Variants in SMYD3 observed in about 807,000 individuals in gnomAD.
The protein encoded by SMYD3 is SET and MYND domain containing 3, also known as histone-lysine N-methyltransferase SMYD3.
SMYD3 carries 36 observed loss-of-function variants against 57.7 expected under a neutral mutation model. The ratio of observed to expected loss-of-function variants is 0.62; its 90% confidence interval spans 0.48 to 0.82. The LOEUF (loss-of-function observed/expected upper bound fraction) is 0.82. SMYD3 is among the 40% of genes least tolerant of loss of function. The probability of loss-of-function intolerance (pLI) is 0.00; values close to 1 mark genes in which losing one functional copy is unlikely to be tolerated. For missense variants in SMYD3, 515 were observed against 538.8 expected (o/e 0.96, Z 0.44); for synonymous variants, 211 against 195.0 (o/e 1.08, Z -0.68).
In SMYD3 at chr1:246,355,282, T is replaced by C. The variant is rs1361852164; in HGVS notation, c.165-188A>G. On this transcript the variant is annotated intron_variant, in intron 1 of 11. Transcript: ENST00000490107. This position sits in a 1 kb window ranked among gnomAD's most constrained non-coding sequence, Gnocchi z 5.0. The stretch of plus-strand genomic sequence containing the variant: ...TTGAACCTTCCATGTGAGACACTGA[T>C]AGAAAAACTAAGTCCTTTTGTCTGA... 4 of 568,824 alleles carry C rather than the reference T, an allele frequency of 7.0e-6. No individual in the cohort carries two copies. Among genetic ancestry groups the C allele is most frequent in the Non-Finnish European group, 1.2e-5 (4 of 321,234 alleles). The allele number at this position is 568,824 out of a possible 1,614,324, so 35.2% of individuals were successfully genotyped here.
chr1:246,454,940 A>C (rs1326251604), intron 1 of SMYD3, among the ~76,000 whole-genome samples: 1 of 152,202 alleles, frequency 6.6e-6, no homozygotes, highest in Non-Finnish European at 1.5e-5. Context: ...TATTGGGTTA[A>C]ATCAATGTCC....
chr1:246,213,068 T>C (rs930509863), intron 5 of SMYD3, among the ~76,000 whole-genome samples: 1 of 152,124 alleles, frequency 6.6e-6, no homozygotes, highest in African/African-American at 2.4e-5. Flanking sequence ...TACCATCAGA[T>C]AAACTAAAGA....
intron 10 of SMYD3, among the ~76,000 whole-genome samples, chr1:245,777,125 C>A (rs1231394789): frequency 6.6e-6 from 1 of 152,158 alleles, no homozygotes; most frequent in Non-Finnish European, 1.5e-5. Context: ...GGAGGTGGGG[C>A]TGCCTAGTTG....
chr1:245,809,545 A>G (rs901852992), intron 10 of SMYD3, among the ~76,000 whole-genome samples: 1 of 152,228 alleles, frequency 6.6e-6, no homozygotes, highest in African/African-American at 2.4e-5. Flanking sequence ...TTTGTGTGGC[A>G]GCTGGTCATA....
chr1:245,840,940 T>C (rs2885647), intron 10 of SMYD3, among the ~76,000 whole-genome samples: 66,237 of 152,112 alleles, frequency 0.44, 16,340 homozygotes, highest in East Asian at 0.87. Flanking sequence ...GGCTTGGCAT[T>C]TGGGTAGCTG....
At chr1:246,076,765 ACAAT>A (rs1387622903) in intron 5 of SMYD3, among the ~76,000 whole-genome samples, 7 of 152,150 alleles carry the variant, frequency 4.6e-5, no homozygotes, top group Admixed American at 2.6e-4. Flanking sequence ...GCTTTGCTTC[ACAAT>A]CAGTCAGTAT....
chr1:246,477,126 A>T (rs2103054886), intron 1 of SMYD3, among the ~76,000 whole-genome samples: 2 of 152,330 alleles, frequency 1.3e-5, no homozygotes, highest in South Asian at 4.1e-4. Context: ...ATTCCTATTA[A>T]ACTTAAACCT....
At position 246,040,090 on chromosome 1, in the gene SMYD3, T is replaced by C. The variant is rs555382471; in HGVS notation, c.532-110153A>G. Among the ~76,000 whole-genome samples the C allele has an allele frequency of 3.3e-5, 5 of 152,348 alleles. No homozygotes were observed. The South Asian group carries it at 1.0e-3, about 32-fold the overall frequency. On this transcript the variant is annotated intron_variant, in intron 5 of 11. Transcript: ENST00000490107. ...TTAAACTGTATTTATTCAGTCAACC[T>C]TACAAGATCCTATCATGAAACAGAA...
intron 1 of SMYD3, among the ~76,000 whole-genome samples, chr1:246,459,581 T>C (rs1286383580): frequency 6.6e-6 from 1 of 152,204 alleles, no homozygotes; most frequent in Admixed American, 6.5e-5. Context: ...CGCTTCCAGT[T>C]TCCTGAGACC....
intron 5 of SMYD3, among the ~76,000 whole-genome samples, chr1:246,049,601 G>A (rs562472133): frequency 3.3e-5 from 5 of 152,062 alleles, no homozygotes; most frequent in South Asian, 2.1e-4. Flanking sequence ...CACCGCGTCC[G>A]GCCCATACTA....
chr1:246,265,571 T>C (rs1051756553), intron 5 of SMYD3, among the ~76,000 whole-genome samples: 1 of 151,816 alleles, frequency 6.6e-6, no homozygotes, highest in Non-Finnish European at 1.5e-5. Context: ...AAAAAGCACA[T>C]CTTTCAGGGA....
intron 4 of SMYD3, among the ~76,000 whole-genome samples, chr1:246,328,911 A>G (rs538158301): frequency 9.5e-4 from 144 of 151,702 alleles, no homozygotes; most frequent in African/African-American, 3.4e-3. Flanking sequence ...TCATTGTTCA[A>G]TTCCCACCTA....
At chr1:246,090,201 A>G (rs1264634859) in intron 5 of SMYD3, among the ~76,000 whole-genome samples, 2 of 152,230 alleles carry the variant, frequency 1.3e-5, no homozygotes. Context: ...ATACAGAAAA[A>G]TTCTACAAAG....
At chr1:245,988,729 T>C (rs561396030) in intron 5 of SMYD3, among the ~76,000 whole-genome samples, 53 of 152,192 alleles carry the variant, frequency 3.5e-4, no homozygotes, top group Non-Finnish European at 5.6e-4. Context: ...CCCAGGCCAA[T>C]CAGCAGATGG....
intron 5 of SMYD3, among the ~76,000 whole-genome samples, chr1:246,144,362 G>A (rs1278177908): frequency 6.6e-6 from 1 of 152,134 alleles, no homozygotes; most frequent in Non-Finnish European, 1.5e-5. Flanking sequence ...AATAATGTCA[G>A]TACAACTGAT....
chr1:246,017,363 T>C (rs532992672), intron 5 of SMYD3, among the ~76,000 whole-genome samples: 3 of 152,282 alleles, frequency 2.0e-5, no homozygotes, highest in African/African-American at 7.2e-5. Flanking sequence ...ATTACTACCA[T>C]CCAATCCTAG....
At chr1:246,441,216 G>A (rs1039875922) in intron 1 of SMYD3, among the ~76,000 whole-genome samples, 8 of 152,114 alleles carry the variant, frequency 5.3e-5, no homozygotes, top group African/African-American at 1.9e-4. Flanking sequence ...TAAAATTCAC[G>A]CTGAGCCAGT....
intron 5 of SMYD3, among the ~76,000 whole-genome samples, chr1:246,261,931 T>A (rs1033427152): frequency 6.6e-6 from 1 of 152,236 alleles, no homozygotes; most frequent in Non-Finnish European, 1.5e-5. Context: ...GTAAGATCCA[T>A]ATTGTGTATA....
intron 10 of SMYD3, among the ~76,000 whole-genome samples, chr1:245,817,546 A>G (rs2048923064): frequency 6.6e-6 from 1 of 152,146 alleles, no homozygotes; most frequent in African/African-American, 2.4e-5. Flanking sequence ...AGCTGGACGG[A>G]GAATGACTTT....
Sources: gnomAD v4.1 joint callset for allele counts (sites outside exome capture counted in the v4.1 genomes callset) on GRCh38, gnomAD v4.1.1 for gene constraint, Gnocchi (gnomAD v3.1) non-coding constraint, MANE v1.5 for transcripts, NCBI Gene and HGNC (gene_info 2026-07-23, HGNC 2026-07-21) for gene names.